The following POP1 variants were observed in gnomAD, a reference collection of about 807,000 sequenced individuals.
POP1 encodes ribonucleases P/MRP protein subunit POP1.
In POP1, 75 loss-of-function variants were observed where a neutral mutation model predicts 102.2. That is an observed-to-expected ratio of 0.73 (90% confidence interval 0.61 to 0.89). POP1 has a LOEUF of 0.89. POP1 is among the 40% of genes least tolerant of loss of function. The pLI, the probability that POP1 is intolerant of heterozygous loss-of-function variation, is 0.00. For missense variants in POP1, 1,116 were observed against 1,267.4 expected (o/e 0.88, Z 1.81); for synonymous variants, 436 against 464.1 (o/e 0.94, Z 0.78).
At chr8:98,152,670 A>G (rs1809551145) in intron 14 of POP1, among the ~76,000 whole-genome samples, 1 of 152,258 alleles carries the variant, frequency 6.6e-6, no homozygotes, top group Admixed American at 6.5e-5. Context: ...AACAGACAGC[A>G]GGCCACATTT....
intron 2 of POP1, among the ~76,000 whole-genome samples, chr8:98,124,493 G>T (rs1330013407): frequency 1.3e-5 from 2 of 152,018 alleles, no homozygotes; most frequent in Non-Finnish European, 2.9e-5. Flanking sequence ...ACCGGGAGGT[G>T]GAGGTTGCAG....
At chr8:98,146,840 T>C (rs569513047) in intron 12 of POP1, among the ~76,000 whole-genome samples, 157 bp downstream of exon 12, 1 of 152,366 alleles carries the variant, frequency 6.6e-6, no homozygotes, top group Non-Finnish European at 1.5e-5. Context: ...ATATGTACTG[T>C]GATTTTCTTC....
intron 4 of POP1, among the ~76,000 whole-genome samples, chr8:98,129,500 T>C (rs917941153): frequency 5.3e-5 from 8 of 152,262 alleles, no homozygotes; most frequent in African/African-American, 1.9e-4. Context: ...AGTGATAGCA[T>C]TCAGCATGTG....
intron 15 of POP1, among the ~76,000 whole-genome samples, chr8:98,156,899 A>ATTT (rs35066160): frequency 3.9e-5 from 5 of 128,252 alleles, no homozygotes; most frequent in Non-Finnish European, 5.0e-5. Flanking sequence ...CTTTGCTCTG[A>ATTT]TTTTTTTTTT....
Position 98,133,983 on chromosome 8 carries a change from G to T in POP1, c.770G>T (p.Gly257Val), listed in dbSNP as rs1347479611. The T allele has an allele frequency of 6.2e-7, 1 of 1,613,544 alleles. No homozygotes were observed. The highest frequency in any genetic ancestry group is 1.3e-5 in the African/African-American group (1 of 74,902). ...TATTACTGTTGTTTGGAGTTGAAAGGCAAAGAGGAAGAAATACTAAAGGCG... is the reference window on the plus strand; with the variant it reads ...TATTACTGTTGTTTGGAGTTGAAAGTCAAAGAGGAAGAAATACTAAAGGCG... The part of the protein sequence containing the change: ...LSYYCCLELK[G>V]KEEEILKALS... The change falls in exon 6 of 16, where the codon GGC becomes GTC. Residue 257 changes from glycine to valine, a missense_variant. By Grantham distance (109) the Gly-to-Val change is moderately radical. Transcript: ENST00000401707.
intron 15 of POP1, 130 bp from the exon 16 acceptor site, chr8:98,157,487 A>T (rs530676520): frequency 2.5e-4 from 272 of 1,103,432 alleles, no homozygotes; most frequent in Admixed American, 3.9e-4. Context: ...TCTAATTTTT[A>T]AAAAATTGTA....
chr8:98,155,870 C>T (rs909636700), intron 14 of POP1, 180 bp from the exon 15 acceptor site: 56 of 710,008 alleles, frequency 7.9e-5, no homozygotes, highest in Non-Finnish European at 1.1e-4. Context: ...CCACTGAGCC[C>T]AGCCTATTAT....
intron 13 of POP1, among the ~76,000 whole-genome samples, chr8:98,149,756 AAAAT>A (rs1007481177): frequency 3.3e-5 from 5 of 151,264 alleles, no homozygotes; most frequent in African/African-American, 7.3e-5. Context: ...ACTCTGTCTC[AAAAT>A]AAATAAATAA....
chr8:98,156,474 A>G, intron 15 of POP1, 62 bp downstream of exon 15: 2 of 1,601,884 alleles, frequency 1.2e-6, no homozygotes, highest in South Asian at 1.1e-5. Flanking sequence ...AAGAGGCTAC[A>G]GGATGTAAGC....
In POP1 at chr8:98,117,316, A is replaced by G. The variant is rs1488710844; in HGVS notation, c.-77A>G. ...GCATGCGCTCTCCAGCGCGCTCTCC[A>G]GGAGCTTTGGCTCGGTGGGTACTGT... On this transcript the variant is annotated 5_prime_UTR_variant, in exon 1 of 16. Coordinates refer to ENST00000401707, the MANE Select transcript of POP1 (RefSeq NM_001145860.2). 1.0e-5 allele frequency: 6 copies of G among 581,922 alleles called. No homozygotes were observed. Among genetic ancestry groups the G allele is most frequent in the East Asian group, 8.8e-5 (3 of 34,196 alleles). 36.0% of individuals were successfully genotyped at this position (581,922 alleles called of 1,614,324 possible). A position where few individuals can be genotyped will look rare whatever the true frequency, so the allele number is the denominator to read the frequency against.
chr8:98,149,035 C>G, intron 13 of POP1, 29 bp downstream of exon 13: 4 of 1,574,880 alleles, frequency 2.5e-6, no homozygotes, highest in Admixed American at 1.7e-5. Flanking sequence ...CTAACAGTTG[C>G]AATATTTAAA....
At chr8:98,145,892 C>T (rs939779010) in intron 11 of POP1, among the ~76,000 whole-genome samples, 2 of 150,546 alleles carry the variant, frequency 1.3e-5, no homozygotes, top group African/African-American at 4.9e-5. Flanking sequence ...GGTGACAGAG[C>T]AAGACTCTGT....
chr8:98,145,641 C>G (rs779530230), intron 11 of POP1, among the ~76,000 whole-genome samples: 8 of 152,116 alleles, frequency 5.3e-5, no homozygotes, highest in Non-Finnish European at 1.2e-4. Flanking sequence ...CACGGTGGCT[C>G]ACACCTATAA....
Position 98,127,677 on chromosome 8 carries a change from T to G in POP1, c.225T>G (p.Ser75=). The change falls in exon 3 of 16, where the codon TCT becomes TCG. Residue 75 remains serine (S), a synonymous_variant. Transcript: ENST00000401707. ...CTGACCCTGAAGTGAATGAGCAGTC[T>G]TCCTCCAAAGGGATGTTTAGAAAAA... The part of the protein sequence containing the change: ...SLPDPEVNEQ[S]SSKGMFRKKG... The G allele has an allele frequency of 6.2e-7, 1 of 1,614,142 alleles. No homozygotes were observed. The highest frequency in any genetic ancestry group is 8.5e-7 in the Non-Finnish European group (1 of 1,180,022).
rs1039368311 is a variant in POP1, at chr8:98,120,527, A to C, written c.-2-2809A>C. Among the ~76,000 whole-genome samples the C allele has an allele frequency of 2.6e-5, 4 of 152,338 alleles. 1 individual carries two copies. The highest frequency in any genetic ancestry group is 4.1e-4 in the South Asian group (2 of 4,830). Reference sequence around the variant, plus strand: ...CACTCTATCGCCCAGGCTGGAGTGCAGTGGCGTGATCTCGGCTCACCACAA... The same window carrying C: ...CACTCTATCGCCCAGGCTGGAGTGCCGTGGCGTGATCTCGGCTCACCACAA... On this transcript the variant is annotated intron_variant, in intron 1 of 15. Transcript: ENST00000401707.
At position 98,158,535 on chromosome 8, in the gene POP1, G is replaced by GC; in HGVS notation, c.*264_*265insC. The GC allele has an allele frequency of 4.8e-6, 2 of 413,972 alleles. No homozygotes were observed. The highest frequency in any genetic ancestry group is 2.8e-5 in the South Asian group (1 of 35,904). 25.6% of individuals were successfully genotyped at this position (413,972 alleles called of 1,614,324 possible). Reference sequence around the variant, plus strand: ...TTATGATCTCTTGGTCTGTGTAGTTGTGGCTGAAAATAATGAGAAGCTCTA... The same window carrying GC: ...TTATGATCTCTTGGTCTGTGTAGTTGCTGGCTGAAAATAATGAGAAGCTCTA... On this transcript the variant is annotated 3_prime_UTR_variant, in exon 16 of 16. Transcript: ENST00000401707.
Position 98,140,104 on chromosome 8 carries a change from T to C in POP1, c.1389T>C (p.Pro463=), listed in dbSNP as rs763636024. The C allele has an allele frequency of 6.2e-7, 1 of 1,614,096 alleles. No homozygotes were observed. The highest frequency in any genetic ancestry group is 1.7e-5 in the Admixed American group (1 of 60,006). ...TGGGAGAGGACACAGAGGAGACACCTCACCGCTGGTGGATAGAAACCTGTA... is the reference window on the plus strand; with the variant it reads ...TGGGAGAGGACACAGAGGAGACACCCCACCGCTGGTGGATAGAAACCTGTA... ...HTVGEDTEET[P]HRWWIETCKK... Residue 463 remains proline (P), a synonymous_variant, in exon 10 of 16, where the codon CCT becomes CCC. Transcript: ENST00000401707.
At chr8:98,132,801 A>C (rs1329462476) in intron 5 of POP1, among the ~76,000 whole-genome samples, 1 of 150,942 alleles carries the variant, frequency 6.6e-6, no homozygotes, top group African/African-American at 2.4e-5. Flanking sequence ...CAGGCATGGC[A>C]GCTCATGCTT....
In POP1 at chr8:98,134,650, C is replaced by T. The variant is rs1285211231; in HGVS notation, c.1002C>T (p.Thr334=). ...AGCTGTGGATCTGGCTGCATCCAACCCTTAAACAGGTATAATCCTTCAGGT... is the reference window on the plus strand; with the variant it reads ...AGCTGTGGATCTGGCTGCATCCAACTCTTAAACAGGTATAATCCTTCAGGT... ...SRQLWIWLHP[T]LKQDILEEIK... is the part of the protein sequence containing the mutation. Residue 334 remains threonine (T), a synonymous_variant, in exon 7 of 16, where the codon ACC becomes ACT. Transcript: ENST00000401707. The T allele has an allele frequency of 1.2e-6, 2 of 1,611,646 alleles. No homozygotes were observed. The highest frequency in any genetic ancestry group is 2.2e-5 in the South Asian group (2 of 91,046).
Sources: gnomAD v4.1 joint callset for allele counts (sites outside exome capture counted in the v4.1 genomes callset) on GRCh38, gnomAD v4.1.1 for gene constraint, MANE v1.5 for transcripts, NCBI Gene and HGNC (gene_info 2026-07-23, HGNC 2026-07-21) for gene names.